The following DACH2 variants were observed in gnomAD, a reference collection of about 807,000 sequenced individuals.
DACH2 encodes dachshund homolog 2.
In DACH2, 17 loss-of-function variants were observed where a neutral mutation model predicts 35.8. The observed-to-expected ratio is 0.48, with a 90% CI of 0.33 to 0.71. DACH2 has a LOEUF of 0.71. DACH2 is among the 30% of genes least tolerant of loss of function. DACH2 has a pLI of 0.02. For synonymous variants in DACH2, 195 were observed against 177.3 expected (o/e 1.10, Z -0.79); for missense variants, 469 against 472.7 (o/e 0.99, Z 0.07).
chrX:86,589,474 T>C (rs1245980227), intron 3 of DACH2, among the ~76,000 whole-genome samples: 2 of 111,601 alleles, frequency 1.8e-5, no homozygotes, highest in Non-Finnish European at 3.8e-5. Flanking sequence ...TATGTCCCTC[T>C]TCATTTACAC....
chrX:86,431,742 A>C (rs918432940), intron 2 of DACH2, among the ~76,000 whole-genome samples: 6 of 111,873 alleles, frequency 5.4e-5, no homozygotes, highest in Admixed American at 1.9e-4. Context: ...CTGAATAATT[A>C]GATTACTTGC....
intron 1 of DACH2, among the ~76,000 whole-genome samples, chrX:86,302,742 G>A (rs1602381318): frequency 9.1e-6 from 1 of 109,912 alleles, no homozygotes; most frequent in Non-Finnish European, 1.9e-5. Flanking sequence ...ATAATAATTA[G>A]GAAGCTTACA....
intron 1 of DACH2, among the ~76,000 whole-genome samples, chrX:86,322,455 C>T (rs187779501): frequency 9.0e-6 from 1 of 111,090 alleles, no homozygotes; most frequent in East Asian, 2.9e-4. Context: ...GGGGTGCCCC[C>T]ACCGACGGTT....
chrX:86,302,340 T>C (rs1043633266), intron 1 of DACH2, among the ~76,000 whole-genome samples: 2 of 111,514 alleles, frequency 1.8e-5, no homozygotes, highest in African/African-American at 6.5e-5. Context: ...TGACATTTAT[T>C]TATAAAGAGA....
intron 1 of DACH2, among the ~76,000 whole-genome samples, chrX:86,181,154 GTCTATCTA>G (rs370859606): frequency 1.2e-4 from 12 of 101,489 alleles, no homozygotes; most frequent in East Asian, 6.0e-4. Flanking sequence ...ATGTCTGACT[GTCTATCTA>G]TCTATCTATC....
intron 3 of DACH2, among the ~76,000 whole-genome samples, chrX:86,544,372 C>T (rs914625352): frequency 9.0e-6 from 1 of 111,036 alleles, no homozygotes; most frequent in African/African-American, 3.3e-5. Flanking sequence ...TGAAAGAAAA[C>T]ATGTTAAAAT....
At position 86,745,187 on chromosome X, in the gene DACH2, G is replaced by A. The variant is rs1041700999; in HGVS notation, c.1240+5305G>A. ...TTAAGTTAACCCACAGCCTACAGAT[G>A]AACAGCTAATAGTTTTAACATCCTT... On this transcript the variant is annotated intron_variant, in intron 7 of 11. Transcript: ENST00000373125. Among the ~76,000 whole-genome samples, 8 of 111,299 alleles carry A rather than the reference G, an allele frequency of 7.2e-5. No individual in the cohort carries two copies. The Admixed American group carries it at 7.7e-4, about 11-fold the overall frequency.
chrX:86,273,813 G>A (rs2033858068), intron 1 of DACH2, among the ~76,000 whole-genome samples: 1 of 111,897 alleles, frequency 8.9e-6, no homozygotes, highest in Admixed American at 9.5e-5. Flanking sequence ...TATCATTCTG[G>A]TCTAGTGGGA....
chrX:86,377,420 G>A (rs993118762), intron 2 of DACH2, among the ~76,000 whole-genome samples: 1 of 111,226 alleles, frequency 9.0e-6, no homozygotes, highest in African/African-American at 3.2e-5. Context: ...ATATTTGGAA[G>A]TCTAAGAAGA....
intron 3 of DACH2, among the ~76,000 whole-genome samples, chrX:86,523,117 T>G (rs1330051180): frequency 3.6e-5 from 4 of 112,115 alleles, no homozygotes; most frequent in Non-Finnish European, 7.5e-5. Context: ...AGCTATATCA[T>G]GGCAAAATTG....
chrX:86,329,539 GCT>G (rs1445482358), intron 1 of DACH2, among the ~76,000 whole-genome samples: 1 of 108,577 alleles, frequency 9.2e-6, no homozygotes, highest in African/African-American at 3.4e-5. Context: ...ACATGGTTCA[GCT>G]CTCAGCATCA....
At chrX:86,155,091 T>C (rs1428810093) in intron 1 of DACH2, among the ~76,000 whole-genome samples, 1 of 110,744 alleles carries the variant, frequency 9.0e-6, no homozygotes, top group Non-Finnish European at 1.9e-5. Flanking sequence ...ATTAGTAATA[T>C]ATGATTGGGA....
At chrX:86,667,960 G>A (rs1279116469) in intron 4 of DACH2, among the ~76,000 whole-genome samples, 4 of 111,965 alleles carry the variant, frequency 3.6e-5, no homozygotes, top group Non-Finnish European at 7.5e-5. Context: ...ATTCATTAAC[G>A]TTAATGAGAA....
chrX:86,589,856 A>G (rs988535444), intron 3 of DACH2, among the ~76,000 whole-genome samples: 1 of 111,730 alleles, frequency 9.0e-6, no homozygotes, highest in African/African-American at 3.3e-5. Flanking sequence ...GTCTTTTCAC[A>G]TCTTATACCT....
At chrX:86,238,769 A>G (rs1372254109) in intron 1 of DACH2, among the ~76,000 whole-genome samples, 1 of 111,252 alleles carries the variant, frequency 9.0e-6, no homozygotes, top group Non-Finnish European at 1.9e-5. Flanking sequence ...TACAAATAAA[A>G]GCTTTATTTT....
intron 2 of DACH2, among the ~76,000 whole-genome samples, chrX:86,380,739 A>T (rs1401013468): frequency 9.1e-6 from 1 of 110,406 alleles, no homozygotes; most frequent in East Asian, 2.9e-4. Flanking sequence ...TCCTAAAATC[A>T]GTGTGTATCA....
Position 86,628,627 on chromosome X carries a change from G to A in DACH2, c.641-22409G>A, listed in dbSNP as rs139281145. 8.5e-4 allele frequency among the ~76,000 whole-genome samples: 96 copies of A among 112,510 alleles called. 3 individuals carry two copies. The highest frequency in any genetic ancestry group is 7.3e-3 in the East Asian group (26 of 3,580). ...GCTGGATTCTTTGTCCTTCATTTAA[G>A]TAGTATACACATATTTAAAACACAA... On this transcript the variant is annotated intron_variant, in intron 3 of 11. Coordinates refer to ENST00000373125, the MANE Select transcript of DACH2 (RefSeq NM_053281.3).
chrX:86,573,655 A>G (rs2039401051), intron 3 of DACH2, among the ~76,000 whole-genome samples: 1 of 111,581 alleles, frequency 9.0e-6, no homozygotes, highest in South Asian at 3.7e-4. Context: ...TTTTTCCTCC[A>G]TAGGTTTTAT....
intron 3 of DACH2, among the ~76,000 whole-genome samples, chrX:86,520,585 T>A (rs1236298335): frequency 2.7e-5 from 3 of 111,734 alleles, no homozygotes; most frequent in African/African-American, 9.7e-5. Context: ...TCTGGGTGCT[T>A]CTGGGTTGAG....
Sources: allele counts gnomAD v4.1 joint callset (sites outside exome capture counted in the v4.1 genomes callset), GRCh38; gene constraint gnomAD v4.1.1; transcripts MANE v1.5; gene names NCBI Gene and HGNC (gene_info 2026-07-23, HGNC 2026-07-21).